ITGA1: variants seen among roughly 807,000 people sequenced by gnomAD.
The protein encoded by ITGA1 is integrin alpha-1.
A neutral mutation model predicts 145.9 loss-of-function variants in ITGA1; 85 were observed. The observed-to-expected ratio is 0.58, with a 90% CI of 0.49 to 0.70. The LOEUF (loss-of-function observed/expected upper bound fraction) is 0.70, where lower values mean the gene tolerates loss of function less well. Among genes scored for constraint, ITGA1 ranks in the 30% least tolerant of loss-of-function variants. ITGA1 has a pLI of 0.00. For missense variants in ITGA1, 1,351 were observed against 1,418.7 expected (o/e 0.95, Z 0.77); for synonymous variants, 520 against 495.3 (o/e 1.05, Z -0.66).
intron 24 of ITGA1, 109 bp downstream of exon 24, chr5:52,937,623 C>A: frequency 1.4e-6 from 1 of 710,650 alleles, no homozygotes; most frequent in Non-Finnish European, 2.5e-6. Context: ...ACCAAAGTAA[C>A]ATGGAGAGGT....
chr5:52,832,416 A>T (rs1024449280), intron 1 of ITGA1, among the ~76,000 whole-genome samples: 1 of 152,198 alleles, frequency 6.6e-6, no homozygotes, highest in African/African-American at 2.4e-5. Context: ...GTTGGAGTAG[A>T]ATAGATGCCA....
In ITGA1 at chr5:52,893,693, C is replaced by A. The variant is rs139270387; in HGVS notation, c.943C>A (p.Arg315=). The A allele has an allele frequency of 2.3e-5, 37 of 1,611,918 alleles. No individual in the cohort carries two copies. In the African/African-American group the frequency reaches 4.5e-4, roughly 20 times the overall value. Residue 315 remains arginine (R), a synonymous_variant, in exon 9 of 29, where the codon CGA becomes AGA. Coordinates refer to ENST00000282588, the MANE Select transcript of ITGA1 (RefSeq NM_181501.2). Reference sequence around the variant, plus strand: ...GTCTTAGATTCTTGGCAGCTATAACCGAGGAAATTTAAGCACTGAAAAATT... The same window carrying A: ...GTCTTAGATTCTTGGCAGCTATAACAGAGGAAATTTAAGCACTGAAAAATT... ...FSIAILGSYN[R]GNLSTEKFVE...
In ITGA1 at chr5:52,947,977, T is replaced by A. The variant is rs562920407; in HGVS notation, c.3495+516T>A. ...ATGGCACATTTTATGTAATAAATTG[T>A]GTGCCTGAGTGGAGGATAAGGGATC... is the stretch of plus-strand genomic sequence containing the variant. On this transcript the variant is annotated intron_variant, in intron 28 of 28. Transcript: ENST00000282588. Among the ~76,000 whole-genome samples, 13 of 152,318 alleles carry A rather than the reference T, an allele frequency of 8.5e-5. No homozygotes were observed. In the East Asian group the frequency reaches 2.5e-3, roughly 29 times the overall value.
chr5:52,807,331 A>C (rs1020637448), intron 1 of ITGA1, among the ~76,000 whole-genome samples: 1 of 152,180 alleles, frequency 6.6e-6, no homozygotes, highest in Non-Finnish European at 1.5e-5. Flanking sequence ...ATTAAGTGTC[A>C]GGTCTTATGG....
chr5:52,927,188 G>A (rs918671199), intron 19 of ITGA1, among the ~76,000 whole-genome samples: 42 of 152,228 alleles, frequency 2.8e-4, no homozygotes, highest in Non-Finnish European at 5.3e-4. Flanking sequence ...TGGTGGTCAC[G>A]GGTCAGAGCC....
chr5:52,870,324 A>T (rs761636543), intron 6 of ITGA1, among the ~76,000 whole-genome samples: 61 of 152,222 alleles, frequency 4.0e-4, no homozygotes, highest in Non-Finnish European at 6.2e-4. Flanking sequence ...AAAGGAACAG[A>T]TGTAAAAATG....
At chr5:52,844,244 G>A (rs1319825811) in intron 1 of ITGA1, among the ~76,000 whole-genome samples, 1 of 152,062 alleles carries the variant, frequency 6.6e-6, no homozygotes, top group East Asian at 1.9e-4. Context: ...GTTAGATCTG[G>A]AGCTCTGTGG....
chr5:52,873,149 TC>T, intron 6 of ITGA1, among the ~76,000 whole-genome samples: 1 of 152,336 alleles, frequency 6.6e-6, no homozygotes, highest in East Asian at 1.9e-4. Context: ...GTGACCTCTT[TC>T]CCTTACTTTG....
chr5:52,832,466 A>T (rs984479430), intron 1 of ITGA1, among the ~76,000 whole-genome samples: 1 of 152,190 alleles, frequency 6.6e-6, no homozygotes, highest in Non-Finnish European at 1.5e-5. Context: ...TGGAAGGGTC[A>T]AATTAAATAA....
chr5:52,893,696 G>A lies in ITGA1; in HGVS notation c.946G>A (p.Gly316Arg). ...SIAILGSYNR[G>R]NLSTEKFVEE... Reference sequence around the variant, plus strand: ...TTAGATTCTTGGCAGCTATAACCGAGGAAATTTAAGCACTGAAAAATTTGT... The same window carrying A: ...TTAGATTCTTGGCAGCTATAACCGAAGAAATTTAAGCACTGAAAAATTTGT... The change falls in exon 9 of 29, where the codon GGA (glycine) becomes AGA (arginine). Residue 316 changes from glycine to arginine, a missense_variant. By Grantham distance (125) the Gly-to-Arg change is moderately radical. Coordinates refer to ENST00000282588, the MANE Select transcript of ITGA1 (RefSeq NM_181501.2). The A allele has an allele frequency of 6.2e-7, 1 of 1,612,416 alleles. No individual in the cohort carries two copies. The highest frequency in any genetic ancestry group is 8.5e-7 in the Non-Finnish European group (1 of 1,179,036).
chr5:52,933,357 CAA>C (rs2111890789), intron 22 of ITGA1: 1 of 152,096 alleles, frequency 6.6e-6, no homozygotes, highest in Non-Finnish European at 1.5e-5. Context: ...TACTTAAAAT[CAA>C]ATTTTGGCAA....
At chr5:52,925,819 C>T (rs889215615) in intron 19 of ITGA1, among the ~76,000 whole-genome samples, 9 of 152,052 alleles carry the variant, frequency 5.9e-5, no homozygotes, top group African/African-American at 2.2e-4. Flanking sequence ...AACAGACGTA[C>T]AGAGAGGTAC....
At chr5:52,920,217 C>CT in intron 16 of ITGA1, 115 bp from the exon 17 acceptor site, 1 of 771,958 alleles carries the variant, frequency 1.3e-6, no homozygotes, top group Non-Finnish European at 2.0e-6. Context: ...ACAATAGAAT[C>CT]TTTTTTGATT....
intron 24 of ITGA1, among the ~76,000 whole-genome samples, chr5:52,939,248 T>TCG (rs1157856764): frequency 6.7e-6 from 1 of 149,124 alleles, no homozygotes; most frequent in Non-Finnish European, 1.5e-5. Flanking sequence ...TTTCTCTCTC[T>TCG]GTAGTATAGA....
At chr5:52,808,676 C>CTTTTTTT (rs60113844) in intron 1 of ITGA1, among the ~76,000 whole-genome samples, 802 of 69,360 alleles carry the variant, frequency 0.012, no homozygotes, top group Middle Eastern at 0.029. Flanking sequence ...TTCTTTCTTT[C>CTTTTTTT]TTTTTTTTTT....
At chr5:52,801,311 T>TG in intron 1 of ITGA1, 2 of 1,171,760 alleles carry the variant, frequency 1.7e-6, no homozygotes, top group Non-Finnish European at 2.4e-6. Flanking sequence ...CTGAAACATA[T>TG]GAAGCCTTAC....
At chr5:52,898,143 T>C in intron 10 of ITGA1, 96 bp from the exon 11 acceptor site, 2 of 731,478 alleles carry the variant, frequency 2.7e-6, no homozygotes, top group South Asian at 8.4e-5. Context: ...TGTAAAGCAC[T>C]TTGAACAGTA....
At chr5:52,830,749 A>G (rs1294832018) in intron 1 of ITGA1, among the ~76,000 whole-genome samples, 1 of 152,150 alleles carries the variant, frequency 6.6e-6, no homozygotes, top group Non-Finnish European at 1.5e-5. Context: ...TTTGGCTTTG[A>G]AATAACTGAC....
intron 6 of ITGA1, among the ~76,000 whole-genome samples, chr5:52,879,487 C>T (rs1020256870): frequency 2.0e-5 from 3 of 152,176 alleles, no homozygotes; most frequent in Non-Finnish European, 2.9e-5. Context: ...TACCCAAAGA[C>T]ATGTGTATCC....
Sources: allele counts gnomAD v4.1 joint callset (sites outside exome capture counted in the v4.1 genomes callset), GRCh38; gene constraint gnomAD v4.1.1; transcripts MANE v1.5; gene names NCBI Gene and HGNC (gene_info 2026-07-23, HGNC 2026-07-21).